KIAA1217: variants seen among roughly 807,000 people sequenced by gnomAD.
KIAA1217 encodes sickle tail protein homolog.
KIAA1217 carries 88 observed loss-of-function variants against 163.9 expected under a neutral mutation model. The observed-to-expected ratio is 0.54, with a 90% confidence interval of 0.45 to 0.64. The LOEUF (loss-of-function observed/expected upper bound fraction) is 0.64. Among genes scored for constraint, KIAA1217 ranks in the 30% least tolerant of loss-of-function variants. KIAA1217 has a pLI of 0.00. For missense variants in KIAA1217, 2,372 were observed against 2,475.0 expected, an observed-to-expected ratio of 0.96 and a Z score of 0.88; for synonymous variants, 903 against 923.1, an observed-to-expected ratio of 0.98 and a Z score of 0.39.
intron 5 of KIAA1217, among the ~76,000 whole-genome samples, chr10:24,471,935 G>T (rs72776781): frequency 4.1e-5 from 6 of 146,224 alleles, no homozygotes; most frequent in African/African-American, 1.5e-4. Context: ...TTACCTCCCC[G>T]CAAACTTAAC....
intron 1 of KIAA1217, among the ~76,000 whole-genome samples, chr10:23,727,231 T>C (rs1838211698): frequency 6.6e-6 from 1 of 151,916 alleles, no homozygotes; most frequent in Non-Finnish European, 1.5e-5. Flanking sequence ...AACCTTGCGA[T>C]CCACCCCTCT....
At chr10:24,351,383 A>C (rs763302848) in intron 2 of KIAA1217, among the ~76,000 whole-genome samples, 1 of 152,170 alleles carries the variant, frequency 6.6e-6, no homozygotes, top group African/African-American at 2.4e-5. Context: ...AGATCCTGGC[A>C]GTCATTATGA....
intron 1 of KIAA1217, among the ~76,000 whole-genome samples, chr10:24,212,748 T>C (rs2068301381): frequency 6.6e-6 from 1 of 152,204 alleles, no homozygotes; most frequent in South Asian, 2.1e-4. Context: ...TGTGTCTGCC[T>C]GTGTATCTGT....
rs1455933802 is a variant in KIAA1217 at position 24,544,042 on chromosome 10, C to T, written c.4772C>T (p.Thr1591Ile). 4 of 1,614,094 alleles carry T rather than the reference C, an allele frequency of 2.5e-6. No individual in the cohort carries two copies. Among genetic ancestry groups the T allele is most frequent in the Non-Finnish European group, 3.4e-6 (4 of 1,180,030 alleles). Residue 1591 changes from threonine (T) to isoleucine (I), a missense_variant, in exon 19 of 21, where the codon ACC becomes ATC. Transcript: ENST00000376454. ...GCCGCTCTCACTCAAGCCATTCGCA[C>T]CGGAACTAAAACAGGGAAGAAGACT... is the stretch of plus-strand genomic sequence containing the variant. ...QLAALTQAIR[T>I]GTKTGKKTLQ...
intron 1 of KIAA1217, among the ~76,000 whole-genome samples, chr10:23,735,891 A>C (rs1481570188): frequency 6.6e-6 from 1 of 152,226 alleles, no homozygotes; most frequent in Non-Finnish European, 1.5e-5. Flanking sequence ...AAGATCATGA[A>C]CTTACCCCAC....
At chr10:24,521,544 G>A in intron 11 of KIAA1217, among the ~76,000 whole-genome samples, 1 of 152,066 alleles carries the variant, frequency 6.6e-6, no homozygotes, top group African/African-American at 2.4e-5. Flanking sequence ...AACCCTAATG[G>A]TCAATTGGCT....
intron 2 of KIAA1217, among the ~76,000 whole-genome samples, chr10:24,164,742 C>T (rs193116645): frequency 3.3e-5 from 5 of 152,158 alleles, no homozygotes; most frequent in Non-Finnish European, 7.4e-5. Flanking sequence ...TAAGATAACC[C>T]CCAACAATTG....
intron 1 of KIAA1217, among the ~76,000 whole-genome samples, chr10:23,788,503 G>A (rs1001482709): frequency 1.3e-4 from 20 of 152,166 alleles, no homozygotes; most frequent in Admixed American, 3.9e-4. Flanking sequence ...AAAAAGGCTT[G>A]GTAGGGATCC....
chr10:24,298,967 C>T (rs2040961436), intron 2 of KIAA1217, among the ~76,000 whole-genome samples: 1 of 152,164 alleles, frequency 6.6e-6, no homozygotes, highest in African/African-American at 2.4e-5. Context: ...TTCTCTTCAA[C>T]TTTCAGAATT....
intron 1 of KIAA1217, among the ~76,000 whole-genome samples, chr10:23,888,297 A>G (rs1424293637): frequency 6.6e-6 from 1 of 151,938 alleles, no homozygotes; most frequent in Non-Finnish European, 1.5e-5. Context: ...AACAATCAAA[A>G]AGGATATCAA....
chr10:24,210,426 C>T (rs1299248738), intron 1 of KIAA1217, among the ~76,000 whole-genome samples: 1 of 152,120 alleles, frequency 6.6e-6, no homozygotes, highest in South Asian at 2.1e-4. Flanking sequence ...GGGTCAGTGG[C>T]ATCCAGTGGA....
At chr10:24,274,351 ATT>A (rs71871934) in intron 2 of KIAA1217, among the ~76,000 whole-genome samples, 27 of 144,590 alleles carry the variant, frequency 1.9e-4, no homozygotes, top group African/African-American at 5.3e-4. Context: ...AGTCCAGCTA[ATT>A]TTTTTTTTTT....
At chr10:24,368,380 G>C (rs1270017105) in intron 2 of KIAA1217, among the ~76,000 whole-genome samples, 3 of 151,956 alleles carry the variant, frequency 2.0e-5, no homozygotes, top group Non-Finnish European at 4.4e-5. Flanking sequence ...GTAGTACTGA[G>C]TTTGGGATTC....
chr10:24,543,707 G>C lies in KIAA1217; in HGVS notation c.4437G>C (p.Lys1479Asn), dbSNP rs2075374888. The change falls in exon 19 of 21, where the codon AAG becomes AAC. Residue 1479 changes from lysine to asparagine, a missense_variant. Around this residue, in one of 3 missense-constraint regions of KIAA1217, gnomAD observed 690 missense variants for 677.5 expected, o/e 1.02. Transcript: ENST00000376454. The stretch of plus-strand genomic sequence containing the variant: ...TAGAGAGAATGATGATGGAGGAAAA[G>C]ATAGAGGAGGAGGAAGAGGAGGAAA... Reference protein sequence around the residue: ...EELERMMMEEKIEEEEEEENG... With the variant: ...EELERMMMEENIEEEEEEENG... 6.8e-6 allele frequency: 11 copies of C among 1,613,856 alleles called. No homozygotes were observed. In the East Asian group the frequency reaches 2.5e-4, roughly 36 times the overall value.
chr10:24,297,832 C>G (rs920747186), intron 2 of KIAA1217, among the ~76,000 whole-genome samples: 4 of 151,842 alleles, frequency 2.6e-5, no homozygotes, highest in Admixed American at 1.3e-4. Context: ...AAGCAGATGT[C>G]TGAGTAGACA....
intron 1 of KIAA1217, among the ~76,000 whole-genome samples, chr10:23,906,352 C>A (rs1368578585): frequency 1.3e-5 from 2 of 152,010 alleles, no homozygotes; most frequent in Non-Finnish European, 1.5e-5. Flanking sequence ...TGTTCCTAAT[C>A]TCTTCATTAC....
At chr10:23,772,673 G>A (rs1013227244) in intron 1 of KIAA1217, among the ~76,000 whole-genome samples, 11 of 152,100 alleles carry the variant, frequency 7.2e-5, no homozygotes, top group South Asian at 4.2e-4. Flanking sequence ...TGAACACTCC[G>A]CGAACTATTA....
At chr10:23,912,587 G>T (rs1842482059) in intron 1 of KIAA1217, among the ~76,000 whole-genome samples, 1 of 152,032 alleles carries the variant, frequency 6.6e-6, no homozygotes, top group Non-Finnish European at 1.5e-5. Context: ...CACAGTATTT[G>T]ATTTTCTGTT....
intron 1 of KIAA1217, among the ~76,000 whole-genome samples, chr10:23,701,517 A>G (rs954372366): frequency 1.3e-5 from 2 of 152,272 alleles, no homozygotes; most frequent in Non-Finnish European, 2.9e-5. Flanking sequence ...GCTGGTCTTA[A>G]CATAGCTGTT....
Sources: allele counts gnomAD v4.1 joint callset (sites outside exome capture counted in the v4.1 genomes callset), GRCh38; gene constraint gnomAD v4.1.1; regional missense constraint gnomAD v4.1.1; transcripts MANE v1.5; gene names NCBI Gene and HGNC (gene_info 2026-07-23, HGNC 2026-07-21).